Variants in CBLN2 observed in about 807,000 individuals in gnomAD.
CBLN2 encodes the protein cerebellin-2.
In CBLN2, 7 loss-of-function variants were observed where a neutral mutation model predicts 15.0. The observed-to-expected ratio is 0.47, with a 90% CI of 0.27 to 0.88. The LOEUF (loss-of-function observed/expected upper bound fraction) is 0.88. CBLN2 is among the 40% of genes least tolerant of loss of function. The pLI is 0.14. For synonymous variants in CBLN2, 149 were observed against 135.2 expected, an observed-to-expected ratio of 1.10 and a Z score of -0.71; for missense variants, 242 against 304.5, an observed-to-expected ratio of 0.79 and a Z score of 1.53.
At chr18:72,632,015 C>T (rs10514051) in intron 1 of CBLN2, among the ~76,000 whole-genome samples, 10,679 of 152,044 alleles carry the variant, frequency 0.07, 628 homozygotes, top group Admixed American at 0.2. Flanking sequence ...TATCCTCTTA[C>T]CTCAATCCAT....
At chr18:72,545,640 G>GC (rs1350674736), upstream of CBLN2, among the ~76,000 whole-genome samples, 2 of 152,122 alleles carry the variant, frequency 1.3e-5, no homozygotes, top group Non-Finnish European at 2.9e-5. Context: ...GTCAAAATAA[G>GC]CCCCCATCCA....
chr18:72,541,902 G>T lies in CBLN2; in HGVS notation c.259C>A (p.Arg87Ser). The T allele has an allele frequency of 6.2e-7, 1 of 1,607,582 alleles. No homozygotes were observed. Among genetic ancestry groups the T allele is most frequent in the Non-Finnish European group, 8.5e-7 (1 of 1,178,972 alleles). The change falls in exon 3 of 5, where the codon CGC becomes AGC. Residue 87 changes from arginine to serine, a missense_variant. Transcript: ENST00000269503. ...AVTSSLGISVRSGSAKVAFSA... is the reference protein window; with the variant it reads ...AVTSSLGISVSSGSAKVAFSA... ...AAGGCCACCTTGGCGCTGCCGGAGCGCACGGAGATGCCTAGGGAGGAGGTG... is the reference window on the plus strand; with the variant it reads ...AAGGCCACCTTGGCGCTGCCGGAGCTCACGGAGATGCCTAGGGAGGAGGTG...
intron 1 of CBLN2, among the ~76,000 whole-genome samples, chr18:72,563,150 T>A (rs1200410928): frequency 1.3e-5 from 2 of 152,114 alleles, no homozygotes; most frequent in Non-Finnish European, 2.9e-5. Flanking sequence ...GTGCTATGAA[T>A]CCAGAGATTA....
chr18:72,636,863 C>A (rs933225129), intron 1 of CBLN2, among the ~76,000 whole-genome samples: 1 of 151,938 alleles, frequency 6.6e-6, no homozygotes, highest in African/African-American at 2.4e-5. Context: ...AATTTTATAG[C>A]TCTTGTCATT....
At chr18:72,556,093 C>G (rs7227689) in intron 1 of CBLN2, among the ~76,000 whole-genome samples, 87,781 of 152,036 alleles carry the variant, frequency 0.58, 30,813 homozygotes, top group Non-Finnish European at 0.79. Context: ...AATTACCTGT[C>G]CTGTGCATGT....
intron 1 of CBLN2, among the ~76,000 whole-genome samples, chr18:72,595,844 T>C (rs184041168): frequency 3.3e-5 from 5 of 152,266 alleles, no homozygotes; most frequent in African/African-American, 4.8e-5. Context: ...TGGTTACTTC[T>C]GCTTTTTTTA....
At chr18:72,592,576 G>A (rs1162942289) in intron 1 of CBLN2, among the ~76,000 whole-genome samples, 1 of 152,060 alleles carries the variant, frequency 6.6e-6, no homozygotes, top group Admixed American at 6.6e-5. Flanking sequence ...CCACTCCAAT[G>A]TCCTGGAGAT....
intron 1 of CBLN2, among the ~76,000 whole-genome samples, chr18:72,606,419 A>G (rs1442726776): frequency 6.6e-6 from 1 of 152,112 alleles, no homozygotes; most frequent in African/African-American, 2.4e-5. Flanking sequence ...TATAGTAGTA[A>G]CCTGTCAACT....
intron 1 of CBLN2, among the ~76,000 whole-genome samples, chr18:72,592,692 G>A (rs1486414645): frequency 6.6e-6 from 1 of 152,086 alleles, no homozygotes; most frequent in Non-Finnish European, 1.5e-5. Context: ...TAGGGGTCTA[G>A]TTTCACTCTT....
chr18:72,618,505 A>G, intron 1 of CBLN2: 1 of 680,424 alleles, frequency 1.5e-6, no homozygotes, highest in African/African-American at 1.7e-5. Context: ...CACAAGGTGG[A>G]TGCAAGAGTT....
chr18:72,558,651 C>T (rs1638399227), intron 1 of CBLN2, among the ~76,000 whole-genome samples: 1 of 152,110 alleles, frequency 6.6e-6, no homozygotes, highest in Admixed American at 6.5e-5. Flanking sequence ...GGGAGAAGCT[C>T]CTGTTTGAGG....
At chr18:72,583,666 T>A (rs1330629516) in intron 1 of CBLN2, among the ~76,000 whole-genome samples, 1 of 152,226 alleles carries the variant, frequency 6.6e-6, no homozygotes, top group Non-Finnish European at 1.5e-5. Context: ...GGCCCAGAAT[T>A]CTATTAATCT....
At chr18:72,574,808 T>G (rs1339641459) in intron 1 of CBLN2, among the ~76,000 whole-genome samples, 2 of 152,172 alleles carry the variant, frequency 1.3e-5, no homozygotes, top group African/African-American at 2.4e-5. Flanking sequence ...GGAAAGTATG[T>G]CATGATTACC....
intron 1 of CBLN2, among the ~76,000 whole-genome samples, chr18:72,581,575 G>T (rs2069405229): frequency 6.6e-6 from 1 of 152,062 alleles, no homozygotes; most frequent in South Asian, 2.1e-4. Flanking sequence ...TGGAGCTTTA[G>T]CTTATGTTCT....
chr18:72,587,990 A>G (rs2069454616), intron 1 of CBLN2, among the ~76,000 whole-genome samples: 1 of 152,222 alleles, frequency 6.6e-6, no homozygotes, highest in Admixed American at 6.5e-5. Context: ...ATATTCTTAT[A>G]ATAATTATCA....
At position 72,543,080 on chromosome 18, in the gene CBLN2, T is replaced by G. The variant is rs372866895; in HGVS notation, c.-167+406A>C. 1.2e-5 allele frequency: 2 copies of G among 165,878 alleles called. No homozygotes were observed. The highest frequency in any genetic ancestry group is 4.8e-5 in the African/African-American group (2 of 42,080). 10.3% of individuals were successfully genotyped at this position (165,878 alleles called of 1,614,324 possible). ...CGATTCCAACGACGGAATCCCAGGC[T>G]TGGGTTATTCTCCAGCTCTGGTTTC... is the stretch of plus-strand genomic sequence containing the variant. On this transcript the variant is annotated intron_variant, in intron 2 of 4. Coordinates refer to ENST00000269503, the MANE Select transcript of CBLN2 (RefSeq NM_182511.4). This position sits in a 1 kb window ranked among gnomAD's most constrained non-coding sequence, Gnocchi z 6.8.
At chr18:72,572,254 A>G (rs2069337247) in intron 1 of CBLN2, among the ~76,000 whole-genome samples, 1 of 150,516 alleles carries the variant, frequency 6.6e-6, no homozygotes, top group Admixed American at 6.6e-5. Flanking sequence ...TATCTGGCAG[A>G]ATCATTGATT....
Position 72,543,531 on chromosome 18 carries a change from C to A in CBLN2, c.-211-1G>T. 5.0e-6 allele frequency: 2 copies of A among 397,222 alleles called. No homozygotes were observed. The highest frequency in any genetic ancestry group is 2.5e-4 in the South Asian group (2 of 7,846). The allele number at this position is 397,222 out of a possible 1,614,324, so 24.6% of individuals were successfully genotyped here. A position where few individuals can be genotyped will look rare whatever the true frequency, so the allele number is the denominator to read the frequency against. On this transcript the variant is annotated splice_acceptor_variant, in intron 1 of 4. Coordinates refer to ENST00000269503, the MANE Select transcript of CBLN2 (RefSeq NM_182511.4). LOFTEE classifies it low-confidence loss of function (5UTR_SPLICE). The surrounding 1 kb of genome is among the most constrained non-coding windows in gnomAD (Gnocchi z 6.8). ...GAGCTCCGCTGTCCGCGAAGTTGCT[C>A]TGCTTAGAGAAAATGAGGCGAGTGG...
chr18:72,604,276 C>T (rs552542863), intron 1 of CBLN2, among the ~76,000 whole-genome samples: 183 of 152,196 alleles, frequency 1.2e-3, no homozygotes, highest in Non-Finnish European at 1.8e-3. Flanking sequence ...ATGCTTCATT[C>T]CTCTCCTTGT....
Sources: gnomAD v4.1 joint callset for allele counts (sites outside exome capture counted in the v4.1 genomes callset) on GRCh38, gnomAD v4.1.1 for gene constraint, Gnocchi (gnomAD v3.1) non-coding constraint, MANE v1.5 for transcripts, NCBI Gene and HGNC (gene_info 2026-07-23, HGNC 2026-07-21) for gene names.